The following LILRB5 variants were observed in gnomAD, a reference collection of about 807,000 sequenced individuals.
LILRB5 encodes the protein leukocyte immunoglobulin-like receptor subfamily B member 5.
In LILRB5, 61 loss-of-function variants were observed where a neutral mutation model predicts 68.4. The observed-to-expected ratio is 0.89, with a 90% CI of 0.73 to 1.10. LILRB5 has a LOEUF of 1.10. Among genes scored for constraint, LILRB5 ranks in the 50% least tolerant of loss-of-function variants. The pLI is 0.00. For missense variants in LILRB5, 771 were observed against 751.6 expected, an observed-to-expected ratio of 1.03 and a Z score of -0.30; for synonymous variants, 356 against 315.8, an observed-to-expected ratio of 1.13 and a Z score of -1.35.
At chr19:54,253,684 TG>T in intron 8 of LILRB5, 1 of 772,494 alleles carries the variant, frequency 1.3e-6, no homozygotes, top group Non-Finnish European at 2.1e-6. Context: ...GCGGCAGAGC[TG>T]GGAAGTGAAC....
chr19:54,257,132 A>G, intron 1 of LILRB5, 28 bp downstream of exon 1: 1 of 1,614,016 alleles, frequency 6.2e-7, no homozygotes, highest in Non-Finnish European at 8.5e-7. Context: ...CAAGACGGGG[A>G]CCTTCCTTCC....
chr19:54,256,616 C>A lies in LILRB5; in HGVS notation c.228G>T (p.Glu76Asp), dbSNP rs746208644. ...PWARKRQNPLEPGAKAKFHIP... is the reference protein window; with the variant it reads ...PWARKRQNPLDPGAKAKFHIP... ...TGTGGAACTTGGCCTTGGCTCCAGG[C>A]TCCAGTGGGTTCTGTCTCTTCCGGG... The change falls in exon 3 of 13, where the codon GAG (glutamate) becomes GAT (aspartate). Residue 76 changes from glutamate to aspartate, a missense_variant. Glu to Asp is a conservative substitution (Grantham distance 45, BLOSUM62 2). Transcript: ENST00000449561. 1 of 1,614,190 alleles carries A rather than the reference C, an allele frequency of 6.2e-7. No individual in the cohort carries two copies.
chr19:54,254,267 C>G, intron 7 of LILRB5, 98 bp downstream of exon 7: 1 of 1,470,800 alleles, frequency 6.8e-7, no homozygotes, highest in Non-Finnish European at 9.1e-7. Context: ...GGGAAGCTCC[C>G]GCTTGAGTCT....
chr19:54,255,675 T>G, intron 4 of LILRB5, 93 bp from the exon 5 acceptor site: 2 of 1,383,650 alleles, frequency 1.4e-6, no homozygotes, highest in East Asian at 5.0e-5. Flanking sequence ...CAGGTCTCAC[T>G]GTCTCTCACG....
intron 8 of LILRB5, 31 bp from the exon 9 acceptor site, chr19:54,253,018 G>T: frequency 1.4e-6 from 2 of 1,448,612 alleles, no homozygotes; most frequent in Non-Finnish European, 1.9e-6. Context: ...GAATGGGGAT[G>T]ACGTCATTGA....
In LILRB5 at chr19:54,256,538, G is replaced by A. The variant is rs902599951; in HGVS notation, c.306C>T (p.Thr102=). 2 of 1,614,020 alleles carry A rather than the reference G, an allele frequency of 1.2e-6. No individual in the cohort carries two copies. Among genetic ancestry groups the A allele is most frequent in the Admixed American group, 3.3e-5 (2 of 59,992 alleles). The change falls in exon 3 of 13, where the codon ACC becomes ACT. Residue 102 remains threonine (T), a synonymous_variant. Transcript: ENST00000449561. ...CACTGGGCTCTGACCAGCCTGCAGG[G>A]GTCTCATAGTAGCAGCGGTATCGCC... ...SAGRYRCYYE[T]PAGWSEPSDP...
rs2078963272 is a variant in LILRB5, at chr19:54,251,830, C to T, written c.1629+224G>A. ...GGGGAGAGCTCTAACAACCAGACGG[C>T]CAAACAGAGGATGAGGAGCAGGAAG... is the stretch of plus-strand genomic sequence containing the variant. On this transcript the variant is annotated intron_variant, in intron 12 of 12. Coordinates refer to ENST00000449561, the MANE Select transcript of LILRB5 (RefSeq NM_001081442.3). 6 of 721,978 alleles carry T rather than the reference C, an allele frequency of 8.3e-6. No individual in the cohort carries two copies. The South Asian group carries it at 8.7e-5, about 11-fold the overall frequency. 44.7% of individuals were successfully genotyped at this position (721,978 alleles called of 1,614,324 possible).
At chr19:54,256,934 A>G (rs1338518183) in intron 2 of LILRB5, 27 bp downstream of exon 2, 1 of 1,614,096 alleles carries the variant, frequency 6.2e-7, no homozygotes, top group Non-Finnish European at 8.5e-7. Flanking sequence ...AGAAGAAGGG[A>G]CCTGGGACAG....
rs116212038 is a variant in LILRB5, at chr19:54,256,950, G to T, written c.70+11C>A. 2.3e-3 allele frequency: 3,741 copies of T among 1,614,188 alleles called. 74 individuals carry two copies. In the African/African-American group the frequency reaches 0.044, roughly 19 times the overall value. On this transcript the variant is annotated intron_variant, in intron 2 of 12. Transcript: ENST00000449561. ...GAAGAAGGGACCTGGGACAGCTGGG[G>T]ACAGACTCACCTGCCTGCACGCAGG...
intron 11 of LILRB5, 110 bp from the exon 12 acceptor site, chr19:54,252,216 C>G (rs1225686780): frequency 6.8e-7 from 1 of 1,460,940 alleles, no homozygotes; most frequent in Non-Finnish European, 9.5e-7. Context: ...CAGGGAGGGA[C>G]TGTGATGTCC....
rs750971001 is a variant in LILRB5 at position 54,250,802 on chromosome 19, G to A, written c.1760C>T (p.Pro587Leu). 1.4e-5 allele frequency: 23 copies of A among 1,614,106 alleles called. No individual in the cohort carries two copies. The highest frequency in any genetic ancestry group is 1.9e-5 in the Non-Finnish European group (23 of 1,180,020). ...EPPAEPSIYA[P>L]LAIH Reference sequence around the variant, plus strand: ...CCCCGTGGGCTAGTGGATGGCCAGGGGGGCGTAGATGCTGGGTTCAGCTGG... The same window carrying A: ...CCCCGTGGGCTAGTGGATGGCCAGGAGGGCGTAGATGCTGGGTTCAGCTGG... Residue 587 changes from proline (P) to leucine (L), a missense_variant, in exon 13 of 13, where the codon CCC becomes CTC. Physicochemically the swap from Pro to Leu is moderately conservative, Grantham distance 98. Transcript: ENST00000449561.
intron 12 of LILRB5, chr19:54,251,157 C>T (rs1601016096): frequency 8.1e-6 from 13 of 1,597,534 alleles, no homozygotes; most frequent in African/African-American, 5.4e-5. Context: ...GGGTCTTCAT[C>T]GTGTGGGCTC....
intron 12 of LILRB5, 76 bp downstream of exon 12, chr19:54,251,975 AAGG>A (rs1372632792): frequency 7.2e-7 from 1 of 1,396,850 alleles, no homozygotes; most frequent in African/African-American, 1.4e-5. Context: ...GAGCCGGGGG[AAGG>A]AGGACAGAGA....
At position 54,256,793 on chromosome 19, in the gene LILRB5, T is replaced by G. The variant is rs2079162206; in HGVS notation, c.71-20A>C. The G allele has an allele frequency of 6.2e-7, 1 of 1,612,404 alleles. No individual in the cohort carries two copies. The highest frequency in any genetic ancestry group is 1.1e-5 in the South Asian group (1 of 91,046). ...GGGTGCCTAGAATGGAATCAGAGGC[T>G]GGATCCCAAGACATCCCCATCCCTC... On this transcript the variant is annotated intron_variant, in intron 2 of 12. Transcript: ENST00000449561.
At chr19:54,251,265 T>C in intron 12 of LILRB5, 4 of 983,448 alleles carry the variant, frequency 4.1e-6, no homozygotes, top group Non-Finnish European at 4.5e-6. Context: ...ATTACATCCC[T>C]TTCCTGATGG....
intron 2 of LILRB5, 92 bp downstream of exon 2, chr19:54,256,869 C>T: frequency 6.2e-7 from 1 of 1,610,406 alleles, no homozygotes; most frequent in South Asian, 1.1e-5. Context: ...ATCAGTCAGC[C>T]CAGAACAGCT....
At chr19:54,257,087 A>T in intron 1 of LILRB5, 73 bp downstream of exon 1, 1 of 1,613,684 alleles carries the variant, frequency 6.2e-7, no homozygotes, top group East Asian at 2.2e-5. Context: ...AGATTCTCTG[A>T]TAGACCAGAG....
Position 54,252,109 on chromosome 19 carries a change from G to C in LILRB5, c.1577-3C>G, listed in dbSNP as rs1480012961. ...CTGTGTGTCCTTCACGGCAGCATCT[G>C]CTGGGCCAGAGCAAGGGGTTCATCT... On this transcript the variant is annotated splice_region_variant and splice_polypyrimidine_tract_variant and intron_variant, in intron 11 of 12. Coordinates refer to ENST00000449561, the MANE Select transcript of LILRB5 (RefSeq NM_001081442.3). 6.2e-7 allele frequency: 1 copy of C among 1,614,022 alleles called. No homozygotes were observed. The highest frequency in any genetic ancestry group is 2.2e-5 in the East Asian group (1 of 44,882).
intron 4 of LILRB5, 139 bp from the exon 5 acceptor site, chr19:54,255,721 T>G: frequency 9.2e-7 from 1 of 1,087,202 alleles, no homozygotes; most frequent in Non-Finnish European, 1.3e-6. Flanking sequence ...CCTTCTCACC[T>G]GGGTCTGTCT....
Sources: allele counts gnomAD v4.1 joint callset, GRCh38; gene constraint gnomAD v4.1.1; transcripts MANE v1.5; gene names NCBI Gene and HGNC (gene_info 2026-07-23, HGNC 2026-07-21).